The following MPPED2 variants were observed in gnomAD, a reference collection of about 807,000 sequenced individuals.
The protein encoded by MPPED2 is metallophosphoesterase domain containing 2.
Under a neutral mutation model 33.0 loss-of-function variants are expected in MPPED2, and 5 were observed. That is an observed-to-expected ratio of 0.15 (90% CI 0.08 to 0.32). MPPED2 has a LOEUF of 0.32. Ranked by LOEUF, MPPED2 falls within the 10% of genes least tolerant of loss-of-function variation. MPPED2 has a pLI of 1.00. For synonymous variants in MPPED2, 136 were observed against 141.9 expected (o/e 0.96, Z 0.29); for missense variants, 275 against 372.1 (o/e 0.74, Z 2.15).
intron 4 of MPPED2, among the ~76,000 whole-genome samples, chr11:30,494,676 T>G (rs1952152670): frequency 7.7e-6 from 1 of 130,420 alleles, no homozygotes; most frequent in Non-Finnish European, 1.5e-5. Flanking sequence ...AGGCGGAGGT[T>G]GCAGTGAGCT....
chr11:30,413,802 T>C (rs1948220221), intron 6 of MPPED2, among the ~76,000 whole-genome samples: 1 of 152,200 alleles, frequency 6.6e-6, no homozygotes, highest in East Asian at 1.9e-4. Context: ...TAATTCCATA[T>C]GAAACACAAT....
chr11:30,431,415 G>A (rs143425324), intron 4 of MPPED2, among the ~76,000 whole-genome samples: 11 of 152,328 alleles, frequency 7.2e-5, no homozygotes, highest in Non-Finnish European at 1.0e-4. Context: ...TTCCCAATCT[G>A]TAAGATGGAG....
At chr11:30,538,580 C>T (rs1445222583) in intron 2 of MPPED2, among the ~76,000 whole-genome samples, 1 of 152,098 alleles carries the variant, frequency 6.6e-6, no homozygotes, top group African/African-American at 2.4e-5. Flanking sequence ...TTCAGAGAAA[C>T]ATTTAAATAT....
At chr11:30,585,164 A>T (rs1235679707) in intron 1 of MPPED2, among the ~76,000 whole-genome samples, 1 of 152,154 alleles carries the variant, frequency 6.6e-6, no homozygotes, top group Admixed American at 6.5e-5. Flanking sequence ...TAACCTTGTT[A>T]TACGTAAATA....
intron 6 of MPPED2, among the ~76,000 whole-genome samples, chr11:30,412,269 A>T (rs1034197838): frequency 1.3e-5 from 2 of 150,004 alleles, no homozygotes; most frequent in African/African-American, 4.9e-5. Flanking sequence ...AACACTTCCC[A>T]TATGCAATAT....
intron 3 of MPPED2, among the ~76,000 whole-genome samples, chr11:30,513,304 A>G (rs1364843671): frequency 6.6e-6 from 1 of 152,068 alleles, no homozygotes; most frequent in Non-Finnish European, 1.5e-5. Context: ...AATACAGATG[A>G]CTGTTTCTCT....
At position 30,492,593 on chromosome 11, in the gene MPPED2, T is replaced by C. The variant is rs1015843300; in HGVS notation, c.536+2703A>G. Among the ~76,000 whole-genome samples, 7 of 152,228 alleles carry C rather than the reference T, an allele frequency of 4.6e-5. No individual in the cohort carries two copies. The South Asian group carries it at 1.2e-3, about 27-fold the overall frequency. ...CTGTCTCCTGCCCTTTACCCAGAAA[T>C]GCTAATATCAACATCCTACATGACC... On this transcript the variant is annotated intron_variant, in intron 4 of 6. Coordinates refer to ENST00000358117, the MANE Select transcript of MPPED2 (RefSeq NM_001584.3).
intron 2 of MPPED2, among the ~76,000 whole-genome samples, chr11:30,575,633 G>A (rs530736200): frequency 6.6e-6 from 1 of 152,180 alleles, no homozygotes; most frequent in Non-Finnish European, 1.5e-5. Flanking sequence ...TGATGTTTTT[G>A]TTTTAACCAC....
chr11:30,499,190 A>G (rs977608384), intron 3 of MPPED2, among the ~76,000 whole-genome samples: 6 of 152,162 alleles, frequency 3.9e-5, no homozygotes, highest in African/African-American at 1.2e-4. Context: ...GTACAGAAGG[A>G]GGGAGGTTCT....
In MPPED2 at chr11:30,410,249, C is replaced by T; in HGVS notation, c.*1219G>A. The T allele has an allele frequency of 2.0e-6, 2 of 985,670 alleles. No individual in the cohort carries two copies. The highest frequency in any genetic ancestry group is 2.4e-6 in the Non-Finnish European group (2 of 829,872). The allele number at this position is 985,670 out of a possible 1,614,324, so 61.1% of individuals were successfully genotyped here. A position where few individuals can be genotyped will look rare whatever the true frequency, so the allele number is the denominator to read the frequency against. On this transcript the variant is annotated 3_prime_UTR_variant, in exon 7 of 7. Coordinates refer to ENST00000358117, the MANE Select transcript of MPPED2 (RefSeq NM_001584.3). Reference sequence around the variant, plus strand: ...TTTAAAAATCTTGCAATTTTATTTGCATATAAAGGCCGCTAGATATAGAAT... The same window carrying T: ...TTTAAAAATCTTGCAATTTTATTTGTATATAAAGGCCGCTAGATATAGAAT...
chr11:30,428,500 T>C (rs890000794), intron 4 of MPPED2, among the ~76,000 whole-genome samples: 8 of 152,292 alleles, frequency 5.3e-5, no homozygotes, highest in African/African-American at 1.7e-4. Context: ...GATACACCAC[T>C]GCACTCCAGC....
chr11:30,504,931 G>A (rs2134265217), intron 3 of MPPED2: 1 of 553,864 alleles, frequency 1.8e-6, no homozygotes, highest in South Asian at 1.5e-5. Flanking sequence ...AAGCCCGGTG[G>A]TCCACTGCAG....
intron 4 of MPPED2, among the ~76,000 whole-genome samples, chr11:30,477,804 A>T (rs4923639): frequency 0.32 from 49,275 of 151,944 alleles, 8,149 homozygotes; most frequent in Middle Eastern, 0.44. Flanking sequence ...GAATGTTTAA[A>T]TGTTGATATC....
chr11:30,438,656 G>A (rs1035378401), intron 4 of MPPED2, among the ~76,000 whole-genome samples: 4 of 152,178 alleles, frequency 2.6e-5, no homozygotes, highest in African/African-American at 9.7e-5. Flanking sequence ...ACTCTTCTGA[G>A]CTTCAGCTTC....
chr11:30,479,062 T>C (rs1590457867), intron 4 of MPPED2, among the ~76,000 whole-genome samples: 1 of 152,192 alleles, frequency 6.6e-6, no homozygotes, highest in East Asian at 1.9e-4. Context: ...CGTGGGACAT[T>C]TTCCCAGAGG....
exon 7 of MPPED2, chr11:30,388,855 T>C (rs1947734107): frequency 6.5e-7 from 1 of 1,527,582 alleles, no homozygotes; most frequent in Non-Finnish European, 8.8e-7. Flanking sequence ...CATCAGATCA[T>C]CAATTAATTG....
chr11:30,402,546 T>C (rs1947923377), intron 6 of MPPED2, among the ~76,000 whole-genome samples: 1 of 152,200 alleles, frequency 6.6e-6, no homozygotes, highest in Non-Finnish European at 1.5e-5. Flanking sequence ...GAGACAAATC[T>C]ATTAATTTAT....
At chr11:30,583,355 T>C (rs1180453326) in intron 1 of MPPED2, among the ~76,000 whole-genome samples, 1 of 152,042 alleles carries the variant, frequency 6.6e-6, no homozygotes, top group East Asian at 1.9e-4. Flanking sequence ...TACTTTAACT[T>C]TTTACACACA....
At chr11:30,407,883 A>ATAAATAAATAAG (rs777895850), downstream of MPPED2, among the ~76,000 whole-genome samples, 7 of 149,990 alleles carry the variant, frequency 4.7e-5, no homozygotes, top group African/African-American at 1.8e-4. Flanking sequence ...AAATAAGTAA[A>ATAAATAAATAAG]TAAATAAATA....
Sources: allele counts gnomAD v4.1 joint callset (sites outside exome capture counted in the v4.1 genomes callset), GRCh38; gene constraint gnomAD v4.1.1; transcripts MANE v1.5; gene names NCBI Gene and HGNC (gene_info 2026-07-23, HGNC 2026-07-21).